The following CLCN2 variants were observed in gnomAD, a reference collection of about 807,000 sequenced individuals.
The protein encoded by CLCN2 is chloride channel protein 2.
A neutral mutation model predicts 108.3 loss-of-function variants in CLCN2; 72 were observed. The ratio of observed to expected loss-of-function variants is 0.66; its 90% CI spans 0.55 to 0.81. The LOEUF (loss-of-function observed/expected upper bound fraction) is 0.81. CLCN2 is among the 30% of genes least tolerant of loss of function. CLCN2 has a pLI of 0.00. For missense variants in CLCN2, 1,048 were observed against 1,205.2 expected (o/e 0.87, Z 1.93); for synonymous variants, 471 against 467.1 (o/e 1.01, Z -0.11).
Position 184,352,947 on chromosome 3 carries a change from T to C in CLCN2, c.2143+86A>G, listed in dbSNP as rs1728231083. ...TGGGCAGCCTCTTCCAGCTGGGATG[T>C]ACCCCAGCAACAGGGCTGGGCAGGG... is the stretch of plus-strand genomic sequence containing the variant. On this transcript the variant is annotated intron_variant, in intron 18 of 23. Coordinates refer to ENST00000265593, the MANE Select transcript of CLCN2 (RefSeq NM_004366.6). 8 of 1,513,668 alleles carry C rather than the reference T, an allele frequency of 5.3e-6. No individual in the cohort carries two copies. In the Admixed American group the frequency reaches 1.3e-4, roughly 25 times the overall value. 93.8% of individuals were successfully genotyped at this position (1,513,668 alleles called of 1,614,324 possible).
chr3:184,351,590 T>C (rs1382896826), intron 22 of CLCN2, among the ~76,000 whole-genome samples: 1 of 152,240 alleles, frequency 6.6e-6, no homozygotes, highest in Non-Finnish European at 1.5e-5. Flanking sequence ...CCACCCCTAC[T>C]TGGATGTTTG....
At chr3:184,351,229 ACCC>A in intron 22 of CLCN2, among the ~76,000 whole-genome samples, 1 of 150,840 alleles carries the variant, frequency 6.6e-6, no homozygotes, top group South Asian at 2.1e-4. Context: ...CCTCCCCCAA[ACCC>A]CCCAACGCTT....
At chr3:184,353,194 C>A in intron 17 of CLCN2, 47 bp from the exon 18 acceptor site, 1 of 1,612,862 alleles carries the variant, frequency 6.2e-7, no homozygotes, top group Non-Finnish European at 8.5e-7. Context: ...CCAGACCACC[C>A]TCCCAATCAG....
At chr3:184,349,468 C>T in intron 22 of CLCN2, 1 of 152,156 alleles carries the variant, frequency 6.6e-6, no homozygotes. Flanking sequence ...AAGACAGTCT[C>T]ACTATGTTGC....
chr3:184,356,040 T>A (rs1728522336), intron 10 of CLCN2: 2 of 487,934 alleles, frequency 4.1e-6, no homozygotes, highest in Non-Finnish European at 7.5e-6. Flanking sequence ...AAGTCCATCC[T>A]CCAAGCCCTC....
rs568606115 is a variant in CLCN2, at chr3:184,353,038, G to A, written c.2138C>T (p.Pro713Leu). Residue 713 changes from proline to leucine, a missense_variant, in exon 18 of 24, where the codon CCC (proline) becomes CTC (leucine). Transcript: ENST00000265593. Reference sequence around the variant, plus strand: ...CACAGGAGACATGGGCTTACCTGTGGGACTCTCTCCGAGGTTCCTGGTGAC... The same window carrying A: ...CACAGGAGACATGGGCTTACCTGTGAGACTCTCTCCGAGGTTCCTGGTGAC... ...PSVTRNLGES[P>L]TGSAESAGIA... 1.7e-5 allele frequency: 27 copies of A among 1,613,716 alleles called. No individual in the cohort carries two copies. In the South Asian group the frequency reaches 2.7e-4, roughly 16 times the overall value.
At position 184,358,775 on chromosome 3, in the gene CLCN2, C is replaced by T. The variant is rs765667402; in HGVS notation, c.259G>A (p.Val87Ile). Reference protein sequence around the residue: ...VRCHKFLVSRVGEDWIFLVLL... With the variant: ...VRCHKFLVSRIGEDWIFLVLL... ...ACCAGGAAGATCCAATCTTCACCAA[C>T]CCTGGATACTAGGAACTTGTGGCAG... Residue 87 changes from valine to isoleucine, a missense_variant, in exon 3 of 24, where the codon GTT (valine) becomes ATT (isoleucine). Physicochemically the swap from Val to Ile is conservative, Grantham distance 29. Transcript: ENST00000265593. 2.5e-6 allele frequency: 4 copies of T among 1,612,320 alleles called. No individual in the cohort carries two copies. The East Asian group carries it at 8.9e-5, about 36-fold the overall frequency.
chr3:184,359,070 C>G lies in CLCN2; in HGVS notation c.125G>C (p.Arg42Pro), dbSNP rs774868942. 5 of 1,613,596 alleles carry G rather than the reference C, an allele frequency of 3.1e-6. No homozygotes were observed. The highest frequency in any genetic ancestry group is 4.2e-6 in the Non-Finnish European group (5 of 1,180,050). ...TTTCCAGGGTTCAGGCCCTCCCAGG[C>G]GAATCCGAGCAGCTTCCTCTTTGGC... ...AFAKEEAARI[R>P]LGGPEPWKGP... The change falls in exon 2 of 24, where the codon CGC (arginine) becomes CCC (proline). Residue 42 changes from arginine to proline, a missense_variant. Arg to Pro is a moderately radical substitution (Grantham distance 103, BLOSUM62 -2). Transcript: ENST00000265593.
chr3:184,357,363 T>G lies in CLCN2; in HGVS notation c.897A>C (p.Glu299Asp). The G allele has an allele frequency of 6.2e-6, 10 of 1,614,050 alleles. No individual in the cohort carries two copies. Among genetic ancestry groups the G allele is most frequent in the Non-Finnish European group, 8.5e-6 (10 of 1,180,012 alleles). ...CCCTCATCCCCTGGGTGCCCCCACCTTCATCCCGGTTCCAGACTGCCAAGA... is the reference window on the plus strand; with the variant it reads ...CCCTCATCCCCTGGGTGCCCCCACCGTCATCCCGGTTCCAGACTGCCAAGA... ...FRVLAVWNRD[E>D]ETITALFKTR... Residue 299 changes from glutamate to aspartate, a missense_variant and splice_region_variant, in exon 8 of 24, where the codon GAA becomes GAC. Coordinates refer to ENST00000265593, the MANE Select transcript of CLCN2 (RefSeq NM_004366.6).
At chr3:184,356,953 C>T in intron 10 of CLCN2, 40 bp downstream of exon 10, 1 of 1,472,022 alleles carries the variant, frequency 6.8e-7, no homozygotes, top group Non-Finnish European at 9.5e-7. Flanking sequence ...GGCCCTTATA[C>T]AACTCAAAGC....
At chr3:184,347,141 G>T in intron 22 of CLCN2, 120 bp from the exon 23 acceptor site, 1 of 804,682 alleles carries the variant, frequency 1.2e-6, no homozygotes, top group Non-Finnish European at 2.2e-6. Flanking sequence ...GATTGGGAGG[G>T]AAGGAGACAG....
chr3:184,354,270 C>T lies in CLCN2; in HGVS notation c.1552G>A (p.Ala518Thr). The T allele has an allele frequency of 6.2e-7, 1 of 1,613,072 alleles. No individual in the cohort carries two copies. Among genetic ancestry groups the T allele is most frequent in the Non-Finnish European group, 8.5e-7 (1 of 1,179,962 alleles). Residue 518 changes from alanine to threonine, a missense_variant, in exon 15 of 24, where the codon GCT (alanine) becomes ACT (threonine). Coordinates refer to ENST00000265593, the MANE Select transcript of CLCN2 (RefSeq NM_004366.6). ...CCTGTGAGCTCGAACACGATCACAGCCGTGGACACTGTGTGTGTCACCGCT... is the reference window on the plus strand; with the variant it reads ...CCTGTGAGCTCGAACACGATCACAGTCGTGGACACTGTGTGTGTCACCGCT... Reference protein sequence around the residue: ...AGAVTHTVSTAVIVFELTGQI... With the variant: ...AGAVTHTVSTTVIVFELTGQI...
rs1217268197 is a variant in CLCN2 at position 184,361,090 on chromosome 3, G to A, written c.63+327C>T. Among the ~76,000 whole-genome samples the A allele has an allele frequency of 1.3e-5, 2 of 152,210 alleles. No homozygotes were observed. The highest frequency in any genetic ancestry group is 2.9e-5 in the Non-Finnish European group (2 of 68,040). ...AAAGTTCAATGGTGTGAATGGTGCC[G>A]CGGAAGGGGCAGTGGGGTGCTGAGA... On this transcript the variant is annotated intron_variant, in intron 1 of 23. Coordinates refer to ENST00000265593, the MANE Select transcript of CLCN2 (RefSeq NM_004366.6). The surrounding 1 kb of genome is among the most constrained non-coding windows in gnomAD (Gnocchi z 6.6).
intron 1 of CLCN2, 57 bp from the exon 2 acceptor site, chr3:184,359,188 G>A (rs1577327660): frequency 1.2e-6 from 2 of 1,603,804 alleles, no homozygotes; most frequent in East Asian, 2.2e-5. Flanking sequence ...GGGAACGCAG[G>A]GAGAGTTCTT....
At position 184,346,700 on chromosome 3, in the gene CLCN2, T is replaced by C. The variant is rs1400069478; in HGVS notation, c.2603A>G (p.Glu868Gly). ...CCAGAGTGCATGCACCTCAGTGGTC[T>C]CCGTGTCACTGCTGCTGGTGGCACT... is the stretch of plus-strand genomic sequence containing the variant. ...RDSATSSSDT[E>G]TTEVHALWGP... The change falls in exon 24 of 24, where the codon GAG (glutamate) becomes GGG (glycine). Residue 868 changes from glutamate (E) to glycine (G), a missense_variant. Transcript: ENST00000265593. The surrounding 1 kb of genome is among the most constrained non-coding windows in gnomAD (Gnocchi z 6.0). 2.5e-6 allele frequency: 4 copies of C among 1,613,970 alleles called. No homozygotes were observed. The highest frequency in any genetic ancestry group is 3.4e-6 in the Non-Finnish European group (4 of 1,180,018).
At chr3:184,358,161 T>G (rs773947134) in intron 4 of CLCN2, 21 bp downstream of exon 4, 1 of 1,614,132 alleles carries the variant, frequency 6.2e-7, no homozygotes, top group Admixed American at 1.7e-5. Flanking sequence ...GCCTCTGCCC[T>G]CCCCTTCTCT....
At position 184,355,595 on chromosome 3, in the gene CLCN2, C is replaced by T; in HGVS notation, c.1171-66G>A. On this transcript the variant is annotated intron_variant, in intron 11 of 23. Coordinates refer to ENST00000265593, the MANE Select transcript of CLCN2 (RefSeq NM_004366.6). The surrounding 1 kb of genome is among the most constrained non-coding windows in gnomAD (Gnocchi z 6.3). Reference sequence around the variant, plus strand: ...ATGAAGGGAAGAGGCCATGGGATCCCACGGGGAACAAGGGGTCCCACAGTC... The same window carrying T: ...ATGAAGGGAAGAGGCCATGGGATCCTACGGGGAACAAGGGGTCCCACAGTC... 6.2e-7 allele frequency: 1 copy of T among 1,608,666 alleles called. No homozygotes were observed. Among genetic ancestry groups the T allele is most frequent in the Non-Finnish European group, 8.5e-7 (1 of 1,175,174 alleles).
rs1304114460 is a variant in CLCN2, at chr3:184,355,250, CG to C, written c.1326+123del. The C allele has an allele frequency of 1.8e-6, 2 of 1,105,104 alleles. No individual in the cohort carries two copies. Among genetic ancestry groups the C allele is most frequent in the Non-Finnish European group, 2.8e-6 (2 of 725,072 alleles). 68.5% of individuals were successfully genotyped at this position (1,105,104 alleles called of 1,614,324 possible). On this transcript the variant is annotated intron_variant, in intron 12 of 23. Coordinates refer to ENST00000265593, the MANE Select transcript of CLCN2 (RefSeq NM_004366.6). The surrounding 1 kb of genome is among the most constrained non-coding windows in gnomAD (Gnocchi z 6.3). ...TGTTTCGACTCCCCCATCTTTCAAACGGGGGTGATAATAGTGCCTTTCCCAT... is the reference window on the plus strand; with the variant it reads ...TGTTTCGACTCCCCCATCTTTCAAACGGGGTGATAATAGTGCCTTTCCCAT...
intron 22 of CLCN2, chr3:184,348,282 C>G (rs966121594): frequency 1.3e-5 from 2 of 152,132 alleles, no homozygotes; most frequent in Non-Finnish European, 2.9e-5. Context: ...GGGTAGAATG[C>G]TTGAGCCCAG....
Sources: gnomAD v4.1 joint callset for allele counts (sites outside exome capture counted in the v4.1 genomes callset) on GRCh38, gnomAD v4.1.1 for gene constraint, Gnocchi (gnomAD v3.1) non-coding constraint, MANE v1.5 for transcripts, NCBI Gene and HGNC (gene_info 2026-07-23, HGNC 2026-07-21) for gene names.